GALNT2: variants seen among roughly 807,000 people sequenced by gnomAD.
GALNT2 encodes the protein polypeptide N-acetylgalactosaminyltransferase 2, also known as UDP-GalNAc:polypeptide N-acetylgalactosaminyltransferase 2.
A neutral mutation model predicts 81.4 loss-of-function variants in GALNT2; 31 were observed. That is an observed-to-expected ratio of 0.38 (90% CI 0.29 to 0.51). The LOEUF (loss-of-function observed/expected upper bound fraction) is 0.51. Ranked by LOEUF, GALNT2 falls within the 20% of genes least tolerant of loss-of-function variation. The probability of loss-of-function intolerance (pLI) is 0.87; values close to 1 mark genes in which losing one functional copy is unlikely to be tolerated. For missense variants in GALNT2, 629 were observed against 765.7 expected (o/e 0.82, Z 2.11); for synonymous variants, 303 against 287.4 (o/e 1.05, Z -0.55).
intron 1 of GALNT2, among the ~76,000 whole-genome samples, chr1:230,155,838 T>C (rs987791937): frequency 7.9e-5 from 12 of 152,152 alleles, no homozygotes; most frequent in Non-Finnish European, 1.0e-4. Flanking sequence ...GGCGTCAACC[T>C]CCAGTTCACT....
chr1:230,171,425 G>C (rs1022962656), intron 1 of GALNT2, among the ~76,000 whole-genome samples: 5 of 152,292 alleles, frequency 3.3e-5, no homozygotes, highest in Admixed American at 2.0e-4. Flanking sequence ...ATTGGCTGTA[G>C]TGGTAATTAC....
intron 1 of GALNT2, among the ~76,000 whole-genome samples, chr1:230,077,518 T>C (rs962648096): frequency 2.0e-5 from 3 of 152,230 alleles, no homozygotes; most frequent in Non-Finnish European, 4.4e-5. Flanking sequence ...TCTTATTTTC[T>C]ACTTATTGAA....
At chr1:230,090,710 G>A (rs951228658) in intron 1 of GALNT2, among the ~76,000 whole-genome samples, 2 of 152,216 alleles carry the variant, frequency 1.3e-5, no homozygotes, top group Admixed American at 1.3e-4. Context: ...TGTGTAACAC[G>A]TTTGCAGAAA....
At chr1:230,068,397 G>A (rs540468731) in intron 1 of GALNT2, among the ~76,000 whole-genome samples, 31 of 152,384 alleles carry the variant, frequency 2.0e-4, no homozygotes, top group African/African-American at 6.0e-4. Flanking sequence ...GGGGACGTTT[G>A]TAGTGTTTTA....
intron 1 of GALNT2, among the ~76,000 whole-genome samples, chr1:230,143,495 T>G (rs1051982267): frequency 6.6e-6 from 1 of 152,198 alleles, no homozygotes; most frequent in African/African-American, 2.4e-5. Context: ...CATGCAGAAC[T>G]GCGGGGTGGT....
chr1:230,076,040 A>G (rs1156978752), intron 1 of GALNT2, among the ~76,000 whole-genome samples: 2 of 152,146 alleles, frequency 1.3e-5, no homozygotes, highest in Non-Finnish European at 2.9e-5. Context: ...GTTTCCCTCC[A>G]TGCTGTAGAC....
chr1:230,279,628 C>A lies in GALNT2; in HGVS notation c.*170C>A. 1 of 836,212 alleles carries A rather than the reference C, an allele frequency of 1.2e-6. No individual in the cohort carries two copies. Among genetic ancestry groups the A allele is most frequent in the Non-Finnish European group, 1.8e-6 (1 of 551,370 alleles). The allele number at this position is 836,212 out of a possible 1,614,324, so 51.8% of individuals were successfully genotyped here. ...GGCACGGACGACTGTGCAGACACAG[C>A]AGCGGCAAGAAGCGAGAACTGCCCT... On this transcript the variant is annotated 3_prime_UTR_variant, in exon 16 of 16. Coordinates refer to ENST00000366672, the MANE Select transcript of GALNT2 (RefSeq NM_004481.5). This position sits in a 1 kb window ranked among gnomAD's most constrained non-coding sequence, Gnocchi z 4.6.
At chr1:230,235,657 G>A (rs545109751) in intron 3 of GALNT2, among the ~76,000 whole-genome samples, 8 of 152,306 alleles carry the variant, frequency 5.3e-5, no homozygotes, top group African/African-American at 1.9e-4. Context: ...TCTGCCCTTC[G>A]GAAATTACGA....
intron 1 of GALNT2, among the ~76,000 whole-genome samples, chr1:230,141,243 G>A (rs553898377): frequency 1.8e-4 from 28 of 152,298 alleles, no homozygotes; most frequent in East Asian, 1.5e-3. Context: ...TTAACACTGC[G>A]CAGAAGGGAC....
At chr1:230,252,267 G>A (rs1665567477) in intron 10 of GALNT2, among the ~76,000 whole-genome samples, 1 of 152,200 alleles carries the variant, frequency 6.6e-6, no homozygotes, top group Non-Finnish European at 1.5e-5. Flanking sequence ...GGTGTATGGT[G>A]CAGAGAGGCC....
intron 2 of GALNT2, among the ~76,000 whole-genome samples, chr1:230,181,979 TG>T (rs1048586538): frequency 2.0e-4 from 30 of 152,342 alleles, no homozygotes; most frequent in African/African-American, 7.2e-4. Flanking sequence ...AGTATGTCTT[TG>T]GAGGAATTGG....
intron 1 of GALNT2, among the ~76,000 whole-genome samples, chr1:230,166,176 G>A (rs1395098244): frequency 6.6e-6 from 1 of 152,092 alleles, no homozygotes; most frequent in Non-Finnish European, 1.5e-5. Flanking sequence ...ATCCTTATAG[G>A]GTTTTGGGGT....
At chr1:230,142,719 C>CTCCGT (rs10638714) in intron 1 of GALNT2, among the ~76,000 whole-genome samples, 1 of 151,710 alleles carries the variant, frequency 6.6e-6, no homozygotes, top group Admixed American at 6.6e-5. Flanking sequence ...CTCTGTTCAC[C>CTCCGT]TAAGTTCGCA....
At chr1:230,171,939 A>G (rs1662807451) in intron 1 of GALNT2, among the ~76,000 whole-genome samples, 1 of 151,904 alleles carries the variant, frequency 6.6e-6, no homozygotes, top group African/African-American at 2.4e-5. Flanking sequence ...TGTCCCACAC[A>G]AATGACTGGC....
intron 6 of GALNT2, among the ~76,000 whole-genome samples, chr1:230,240,663 G>GTT (rs35147394): frequency 0.021 from 3,032 of 144,548 alleles, 90 homozygotes; most frequent in African/African-American, 0.069. Flanking sequence ...CTCTATATCT[G>GTT]TTTTTTTTTT....
intron 1 of GALNT2, among the ~76,000 whole-genome samples, chr1:230,123,153 C>T (rs1661072676): frequency 6.6e-6 from 1 of 152,190 alleles, no homozygotes; most frequent in African/African-American, 2.4e-5. Context: ...GTGGTCACAG[C>T]TAGTCTATGA....
chr1:230,151,207 C>T (rs1662084084), intron 1 of GALNT2, among the ~76,000 whole-genome samples: 1 of 152,216 alleles, frequency 6.6e-6, no homozygotes, highest in African/African-American at 2.4e-5. Context: ...CATTCCCCTG[C>T]AGCTTTCTGG....
At chr1:230,214,483 C>T (rs936479711) in intron 3 of GALNT2, among the ~76,000 whole-genome samples, 4 of 152,346 alleles carry the variant, frequency 2.6e-5, no homozygotes, top group South Asian at 2.1e-4. Flanking sequence ...AGCACCTTTA[C>T]GTTGTCTTTC....
intron 3 of GALNT2, among the ~76,000 whole-genome samples, chr1:230,226,332 C>T (rs1664709443): frequency 6.6e-6 from 1 of 152,190 alleles, no homozygotes. Flanking sequence ...CCAGCTGTGT[C>T]CAGAGCCTTG....
Sources: allele counts gnomAD v4.1 joint callset (sites outside exome capture counted in the v4.1 genomes callset), GRCh38; gene constraint gnomAD v4.1.1; non-coding constraint Gnocchi (gnomAD v3.1); transcripts MANE v1.5; gene names NCBI Gene and HGNC (gene_info 2026-07-23, HGNC 2026-07-21).